The following KPNA6 variants were observed in gnomAD, a reference collection of about 807,000 sequenced individuals.
The protein encoded by KPNA6 is karyopherin subunit alpha 6, also known as importin subunit alpha-7.
In KPNA6, 9 loss-of-function variants were observed where a neutral mutation model predicts 72.0. The ratio of observed to expected loss-of-function variants is 0.13; its 90% CI spans 0.08 to 0.22. The LOEUF (loss-of-function observed/expected upper bound fraction) is 0.22. KPNA6 is among the 10% of genes least tolerant of loss of function. KPNA6 has a pLI of 1.00. For synonymous variants in KPNA6, 219 were observed against 242.1 expected (o/e 0.90, Z 0.89); for missense variants, 374 against 655.7 (o/e 0.57, Z 4.69).
intron 1 of KPNA6, among the ~76,000 whole-genome samples, chr1:32,153,885 G>A (rs1418895550): frequency 6.6e-6 from 1 of 152,108 alleles, no homozygotes; most frequent in African/African-American, 2.4e-5. Flanking sequence ...GGTTGCTCAT[G>A]CCTATAGTCC....
At chr1:32,133,421 C>T (rs951209670) in intron 1 of KPNA6, among the ~76,000 whole-genome samples, 2 of 148,246 alleles carry the variant, frequency 1.3e-5, no homozygotes, top group African/African-American at 5.0e-5. Flanking sequence ...TGGTTCATAC[C>T]TGTAATCCAG....
chr1:32,133,218 C>T (rs1641672267), intron 1 of KPNA6, among the ~76,000 whole-genome samples: 1 of 151,936 alleles, frequency 6.6e-6, no homozygotes, highest in African/African-American at 2.4e-5. Context: ...GTGGTACACA[C>T]CTGTAGTCCC....
At position 32,170,993 on chromosome 1, in the gene KPNA6, C is replaced by T; in HGVS notation, c.*99C>T. The T allele has an allele frequency of 9.8e-7, 1 of 1,019,582 alleles. No individual in the cohort carries two copies. 63.2% of individuals were successfully genotyped at this position (1,019,582 alleles called of 1,614,324 possible). A position where few individuals can be genotyped will look rare whatever the true frequency, so the allele number is the denominator to read the frequency against. ...AAACCAGTGTCCCCACCATCAGCCA[C>T]CACACACCTCTGCTGCCCTGGAGAC... On this transcript the variant is annotated 3_prime_UTR_variant, in exon 14 of 14. Transcript: ENST00000373625.
At position 32,133,683 on chromosome 1, in the gene KPNA6, CA is replaced by C. The variant is rs760205969; in HGVS notation, c.5-20900del. On this transcript the variant is annotated intron_variant, in intron 1 of 13. Transcript: ENST00000373625. ...TGTATGACAGAGCAAAAACCTGTCT[CA>C]AAAACAAAACAAAACAAAAAAGCAA... Among the ~76,000 whole-genome samples the C allele has an allele frequency of 7.9e-5, 12 of 152,056 alleles. No homozygotes were observed. In the East Asian group the frequency reaches 9.7e-4, roughly 12 times the overall value.
At position 32,172,162 on chromosome 1, in the gene KPNA6, A is replaced by G. The variant is rs1642450609; in HGVS notation, c.*1268A>G. The stretch of plus-strand genomic sequence containing the variant: ...ATACTGTGAGGAAGACCAAAAAGAG[A>G]TATGGATGCTTCCTCGCTCAGGAGG... On this transcript the variant is annotated 3_prime_UTR_variant, in exon 14 of 14. Transcript: ENST00000373625. The G allele has an allele frequency of 6.6e-6, 1 of 152,176 alleles. No homozygotes were observed. Among genetic ancestry groups the G allele is most frequent in the Admixed American group, 6.6e-5 (1 of 15,262 alleles). The allele number at this position is 152,176 out of a possible 1,614,324, so 9.4% of individuals were successfully genotyped here.
At chr1:32,165,211 CT>C (rs1222319170) in intron 10 of KPNA6, among the ~76,000 whole-genome samples, 6 of 152,086 alleles carry the variant, frequency 3.9e-5, no homozygotes, top group South Asian at 2.1e-4. Context: ...CCCAGACCAA[CT>C]TTCTTTTCTT....
At chr1:32,131,595 C>T (rs578074463) in intron 1 of KPNA6, among the ~76,000 whole-genome samples, 27 of 150,310 alleles carry the variant, frequency 1.8e-4, no homozygotes, top group Non-Finnish European at 2.8e-4. Context: ...ATATTTAAAT[C>T]TTAAGTCTAT....
intron 1 of KPNA6, among the ~76,000 whole-genome samples, chr1:32,131,429 A>C (rs1641633712): frequency 6.6e-6 from 1 of 152,134 alleles, no homozygotes; most frequent in South Asian, 2.1e-4. Context: ...CAGGAAGATC[A>C]CTTGAGCCCA....
intron 11 of KPNA6, among the ~76,000 whole-genome samples, chr1:32,166,833 G>A (rs1427533013): frequency 1.3e-5 from 2 of 151,730 alleles, no homozygotes; most frequent in African/African-American, 2.4e-5. Flanking sequence ...AGCTAGTCGG[G>A]AGGCTGAGGC....
intron 1 of KPNA6, among the ~76,000 whole-genome samples, chr1:32,128,375 TTATATATGTATTTATATATATATATATA>T (rs1167459411): frequency 9.4e-6 from 1 of 106,222 alleles, no homozygotes; most frequent in Admixed American, 1.1e-4. Flanking sequence ...ATTTTTTATA[TTATATATGTATTTATATATATATATATA>T]TATATATATA....
intron 1 of KPNA6, among the ~76,000 whole-genome samples, chr1:32,119,017 TATATATATA>T (rs1557457116): frequency 1.0e-4 from 8 of 77,410 alleles, no homozygotes; most frequent in African/African-American, 5.4e-4. Context: ...TATATATATA[TATATATATA>T]TATATATTTT....
Position 32,172,788 on chromosome 1 carries a change from C to A in KPNA6, c.*1894C>A. The A allele has an allele frequency of 1.6e-5, 4 of 244,978 alleles. No homozygotes were observed. Among genetic ancestry groups the A allele is most frequent in the Non-Finnish European group, 3.1e-5 (4 of 129,352 alleles). The allele number at this position is 244,978 out of a possible 1,614,324, so 15.2% of individuals were successfully genotyped here. On this transcript the variant is annotated 3_prime_UTR_variant, in exon 14 of 14. Transcript: ENST00000373625. ...CCCCACTGTGGTTAGTCAGAGGCAT[C>A]CTGCTCCAAGCTCTGCTTTTCCTTC...
At chr1:32,122,321 G>A (rs1441947865) in intron 1 of KPNA6, among the ~76,000 whole-genome samples, 2 of 150,106 alleles carry the variant, frequency 1.3e-5, no homozygotes, top group Non-Finnish European at 3.0e-5. Flanking sequence ...AAGAGAAAGA[G>A]AGTATTTCAA....
Position 32,176,258 on chromosome 1 carries a change from G to A in KPNA6, c.*5364G>A, listed in dbSNP as rs957473261. 3.9e-5 allele frequency: 6 copies of A among 151,932 alleles called. No homozygotes were observed. Among genetic ancestry groups the A allele is most frequent in the Non-Finnish European group, 7.4e-5 (5 of 67,992 alleles). 9.4% of individuals were successfully genotyped at this position (151,932 alleles called of 1,614,324 possible). On this transcript the variant is annotated 3_prime_UTR_variant, in exon 14 of 14. Coordinates refer to ENST00000373625, the MANE Select transcript of KPNA6 (RefSeq NM_012316.5). ...ACTGGATATCCCCCGAGAATGGCTTGGGTTACCAGCTATGGACCCTTGGAA... is the reference window on the plus strand; with the variant it reads ...ACTGGATATCCCCCGAGAATGGCTTAGGTTACCAGCTATGGACCCTTGGAA...
rs1250779089 is a variant in KPNA6 at position 32,157,521 on chromosome 1, C to G, written c.331+76C>G. ...TCTCTTCACTGATGTCATCAACTTA[C>G]ACGTGCCCTCACTCATTCTGCTCTA... On this transcript the variant is annotated intron_variant, in intron 4 of 13. Coordinates refer to ENST00000373625, the MANE Select transcript of KPNA6 (RefSeq NM_012316.5). The G allele has an allele frequency of 1.4e-5, 14 of 1,006,846 alleles. No individual in the cohort carries two copies. In the East Asian group the frequency reaches 3.2e-4, roughly 23 times the overall value. The allele number at this position is 1,006,846 out of a possible 1,614,324, so 62.4% of individuals were successfully genotyped here. A position where few individuals can be genotyped will look rare whatever the true frequency, so the allele number is the denominator to read the frequency against.
At chr1:32,118,503 A>C (rs764642134) in intron 1 of KPNA6, among the ~76,000 whole-genome samples, 1 of 151,910 alleles carries the variant, frequency 6.6e-6, no homozygotes, top group African/African-American at 2.4e-5. Context: ...TTATCTTTAA[A>C]ATAGGTATAG....
At position 32,163,304 on chromosome 1, in the gene KPNA6, C is replaced by T. The variant is rs777847461; in HGVS notation, c.981C>T (p.Ile327=). ...AVGNIVTGDD[I]QTQVILNCSA... ...GTAACATCGTCACTGGGGATGACAT[C>T]CAGACCCAGGTAAGAAAGAGGAGGG... Residue 327 remains isoleucine (I), a synonymous_variant, in exon 10 of 14, where the codon ATC becomes ATT. Coordinates refer to ENST00000373625, the MANE Select transcript of KPNA6 (RefSeq NM_012316.5). The T allele has an allele frequency of 1.1e-5, 17 of 1,610,418 alleles. No homozygotes were observed. In the South Asian group the frequency reaches 1.7e-4, roughly 16 times the overall value.
At chr1:32,135,498 A>ATT (rs554428967) in intron 1 of KPNA6, among the ~76,000 whole-genome samples, 6 of 125,572 alleles carry the variant, frequency 4.8e-5, no homozygotes, top group African/African-American at 1.5e-4. Flanking sequence ...ATGCTTGGCC[A>ATT]TTTTTTTTTT....
At position 32,172,661 on chromosome 1, in the gene KPNA6, G is replaced by A. The variant is rs568653429; in HGVS notation, c.*1767G>A. The A allele has an allele frequency of 4.0e-4, 63 of 158,738 alleles. 1 individual carries two copies. In the South Asian group the frequency reaches 0.013, roughly 32 times the overall value. The allele number at this position is 158,738 out of a possible 1,614,324, so 9.8% of individuals were successfully genotyped here. On this transcript the variant is annotated 3_prime_UTR_variant, in exon 14 of 14. Transcript: ENST00000373625. ...TAGTGGCTTGCCTGTGCCTCTGGGT[G>A]GATTACATATGATAGTAAAGCCCAC...
Sources: allele counts gnomAD v4.1 joint callset (sites outside exome capture counted in the v4.1 genomes callset), GRCh38; gene constraint gnomAD v4.1.1; transcripts MANE v1.5; gene names NCBI Gene and HGNC (gene_info 2026-07-23, HGNC 2026-07-21).